The following SBF2 variants were observed in gnomAD, a reference collection of about 807,000 sequenced individuals.
The protein encoded by SBF2 is myotubularin-related protein 13.
A neutral mutation model predicts 225.2 loss-of-function variants in SBF2; 112 were observed. The ratio of observed to expected loss-of-function variants is 0.50; its 90% confidence interval spans 0.43 to 0.58. The LOEUF (loss-of-function observed/expected upper bound fraction) is 0.58. Among genes scored for constraint, SBF2 ranks in the 20% least tolerant of loss-of-function variants. The probability of loss-of-function intolerance (pLI) is 0.00; values close to 1 mark genes in which losing one functional copy is unlikely to be tolerated. For missense variants in SBF2, 1,996 were observed against 2,206.2 expected (o/e 0.90, Z 1.91); for synonymous variants, 763 against 773.3 (o/e 0.99, Z 0.22).
chr11:9,917,626 C>G (rs1863211954), intron 16 of SBF2, among the ~76,000 whole-genome samples: 1 of 151,756 alleles, frequency 6.6e-6, no homozygotes, highest in Non-Finnish European at 1.5e-5. Context: ...GCCACTGCGC[C>G]CAGCCACAAG....
At chr11:10,090,991 T>A (rs1951762430) in intron 2 of SBF2, among the ~76,000 whole-genome samples, 1 of 152,056 alleles carries the variant, frequency 6.6e-6, no homozygotes, top group Non-Finnish European at 1.5e-5. Flanking sequence ...AAGAAAATGG[T>A]ATCTGAGAAA....
intron 17 of SBF2, among the ~76,000 whole-genome samples, chr11:9,892,750 G>T (rs991919118): frequency 1.3e-5 from 2 of 151,922 alleles, no homozygotes; most frequent in African/African-American, 4.8e-5. Flanking sequence ...GTAGAGATGG[G>T]GATTCTCCAT....
intron 2 of SBF2, among the ~76,000 whole-genome samples, chr11:10,136,997 G>T (rs561384244): frequency 1.3e-5 from 2 of 152,230 alleles, no homozygotes; most frequent in South Asian, 2.1e-4. Flanking sequence ...GTATCAACTT[G>T]AGTGGAATTA....
intron 16 of SBF2, among the ~76,000 whole-genome samples, chr11:9,917,801 G>C (rs1863232876): frequency 6.6e-6 from 1 of 151,030 alleles, no homozygotes; most frequent in Non-Finnish European, 1.5e-5. Context: ...ACCCTCCTCA[G>C]CTCCATCTGA....
At chr11:10,055,759 G>C (rs1950235351) in intron 2 of SBF2, among the ~76,000 whole-genome samples, 1 of 152,072 alleles carries the variant, frequency 6.6e-6, no homozygotes, top group Non-Finnish European at 1.5e-5. Flanking sequence ...ACGGACAATA[G>C]AGTCCCAGAA....
intron 16 of SBF2, among the ~76,000 whole-genome samples, chr11:9,911,841 G>A (rs117281634): frequency 1.0e-3 from 152 of 152,306 alleles, no homozygotes; most frequent in Admixed American, 1.8e-3. Context: ...ACAGTATTCA[G>A]TATAGTAATG....
At chr11:10,235,196 T>A (rs1284601413) in intron 1 of SBF2, among the ~76,000 whole-genome samples, 1 of 152,256 alleles carries the variant, frequency 6.6e-6, no homozygotes, top group Non-Finnish European at 1.5e-5. Flanking sequence ...AGTATACATC[T>A]AATTATACTT....
chr11:9,920,890 C>G (rs1459270841), intron 16 of SBF2, among the ~76,000 whole-genome samples: 2 of 147,758 alleles, frequency 1.4e-5, no homozygotes, highest in Non-Finnish European at 2.9e-5. Flanking sequence ...GGTTCCACAA[C>G]CTACCCTTAA....
At chr11:9,996,555 A>C (rs977905340) in intron 9 of SBF2, among the ~76,000 whole-genome samples, 25 of 151,974 alleles carry the variant, frequency 1.6e-4, no homozygotes, top group African/African-American at 5.6e-4. Context: ...ACGCCCAGCT[A>C]ATTTTTGTAT....
rs760541134 is a variant in SBF2 at position 9,780,450 on chromosome 11, C to G, written c.5518G>C (p.Asp1840His). ...QDGQSAQQWM[D>H]KIQSCISDA is the part of the protein sequence containing the mutation. ...TCAGAGATACAACTCTGGATCTTGT[C>G]CATCCATTGCTGGGCACTCTGTCCA... Residue 1840 changes from aspartate to histidine, a missense_variant, in exon 40 of 40, where the codon GAC becomes CAC. Asp to His is a moderately conservative substitution (Grantham distance 81, BLOSUM62 -1). Transcript: ENST00000256190. The G allele has an allele frequency of 5.6e-6, 9 of 1,614,096 alleles. No individual in the cohort carries two copies. The highest frequency in any genetic ancestry group is 1.7e-5 in the Admixed American group (1 of 60,012).
intron 1 of SBF2, among the ~76,000 whole-genome samples, chr11:10,288,697 G>C (rs1963956741): frequency 6.6e-6 from 1 of 152,148 alleles, no homozygotes; most frequent in South Asian, 2.1e-4. Context: ...TCTTTAGGCA[G>C]GTTGTCCCAT....
intron 16 of SBF2, among the ~76,000 whole-genome samples, chr11:9,949,044 G>A (rs1865713007): frequency 6.6e-6 from 1 of 151,862 alleles, no homozygotes. Context: ...AATGGTGCCT[G>A]GACAAGGAAA....
chr11:10,003,348 T>A lies in SBF2; in HGVS notation c.620-659A>T, dbSNP rs149281179. Among the ~76,000 whole-genome samples the A allele has an allele frequency of 2.6e-3, 392 of 151,008 alleles. 2 individuals are homozygous for A. Among genetic ancestry groups the A allele is most frequent in the South Asian group, 6.9e-3 (33 of 4,756 alleles). ...ATAGAGATAAATGTGGTATCTTATT[T>A]TATGCTTTTTCTTTTTCTTTTTTCT... On this transcript the variant is annotated intron_variant, in intron 6 of 39. Transcript: ENST00000256190.
chr11:10,043,793 C>T (rs1476986341), intron 2 of SBF2, among the ~76,000 whole-genome samples: 5 of 152,002 alleles, frequency 3.3e-5, no homozygotes, highest in Admixed American at 2.6e-4. Flanking sequence ...AGGCTGGTCT[C>T]GAACTCCTGG....
Position 9,785,190 on chromosome 11 carries a change from G to A in SBF2, c.5166C>T (p.Ser1722=). The change falls in exon 37 of 40, where the codon TCC becomes TCT. Residue 1722 remains serine, a synonymous_variant. Transcript: ENST00000256190. ...GEEQNSSISP[S]NGVERRAATL... ...TGGCTGCTCTTCGCTCCACTCCATT[G>A]GATGGGGAGATGCTGGAATTCTGTT... 1.2e-6 allele frequency: 2 copies of A among 1,614,112 alleles called. No homozygotes were observed. The highest frequency in any genetic ancestry group is 1.7e-6 in the Non-Finnish European group (2 of 1,180,030).
intron 1 of SBF2, among the ~76,000 whole-genome samples, chr11:10,218,020 C>G (rs1306549687): frequency 6.6e-6 from 1 of 152,106 alleles, no homozygotes; most frequent in Non-Finnish European, 1.5e-5. Context: ...CTGCCTCAAG[C>G]AAATCTCTAG....
At position 10,193,975 on chromosome 11, in the gene SBF2, C is replaced by A. The variant is rs769963773; in HGVS notation, c.68G>T (p.Gly23Val). The A allele has an allele frequency of 6.2e-7, 1 of 1,608,894 alleles. No individual in the cohort carries two copies. The highest frequency in any genetic ancestry group is 8.5e-7 in the Non-Finnish European group (1 of 1,175,336). The change falls in exon 2 of 40, where the codon GGT becomes GTT. Residue 23 changes from glycine (G) to valine (V), a missense_variant. Gly to Val is a moderately radical substitution (Grantham distance 109). Transcript: ENST00000256190. ...YDHEKPGSGE[G>V]LGKIIQRFPQ... ...AAATCTCTGGATTATTTTCCCCAGA[C>A]CTTCTCCTGATCCTGTTAATAAAAT... is the stretch of plus-strand genomic sequence containing the variant.
intron 1 of SBF2, among the ~76,000 whole-genome samples, chr11:10,282,269 G>A (rs1963461221): frequency 6.6e-6 from 1 of 151,940 alleles, no homozygotes; most frequent in Non-Finnish European, 1.5e-5. Context: ...TAGTTTCCAG[G>A]CTGCCACTGC....
chr11:9,790,777 AT>A (rs1429638396), intron 33 of SBF2, 94 bp from the exon 34 acceptor site: 20 of 967,570 alleles, frequency 2.1e-5, no homozygotes, highest in Non-Finnish European at 2.2e-5. Flanking sequence ...AAAGTGGAAT[AT>A]TTTTTATGGC....
Sources: gnomAD v4.1 joint callset for allele counts (sites outside exome capture counted in the v4.1 genomes callset) on GRCh38, gnomAD v4.1.1 for gene constraint, MANE v1.5 for transcripts, NCBI Gene and HGNC (gene_info 2026-07-23, HGNC 2026-07-21) for gene names.